Variants in MYO16 observed in about 807,000 individuals in gnomAD.
MYO16 encodes the protein myosin XVI.
In MYO16, 94 loss-of-function variants were observed where a neutral mutation model predicts 205.3. The ratio of observed to expected loss-of-function variants is 0.46; its 90% CI spans 0.39 to 0.54. MYO16 has a LOEUF of 0.54. Ranked by LOEUF, MYO16 falls within the 20% of genes least tolerant of loss-of-function variation. MYO16 has a pLI of 0.00. For synonymous variants in MYO16, 988 were observed against 954.0 expected, an observed-to-expected ratio of 1.04 and a Z score of -0.66; for missense variants, 2,315 against 2,387.5, an observed-to-expected ratio of 0.97 and a Z score of 0.63.
the MYO16 span, among the ~76,000 whole-genome samples, chr13:108,528,581 C>T: frequency 3.1e-5 from 3 of 97,874 alleles, no homozygotes; most frequent in Non-Finnish European, 6.2e-5. Flanking sequence ...CCCCTCCCCT[C>T]CCCTTTCCCC....
Position 108,964,839 on chromosome 13 carries a change from G to A in MYO16, c.2306G>A (p.Arg769His), listed in dbSNP as rs1461732311. 2.5e-6 allele frequency: 4 copies of A among 1,613,884 alleles called. No homozygotes were observed. The highest frequency in any genetic ancestry group is 3.4e-6 in the Non-Finnish European group (4 of 1,179,984). Residue 769 changes from arginine to histidine, a missense_variant, in exon 20 of 35, where the codon CGT becomes CAT. Around this residue, in one of 3 missense-constraint regions of MYO16, gnomAD observed 1,213 missense variants for 1,274.4 expected, o/e 0.95. Transcript: ENST00000457511. ...CTCTTGGCCAAGTCCCTGTACAGTC[G>A]TTTGTTTAGCTTTTTGGTGAATACC... ...RDLLAKSLYS[R>H]LFSFLVNTMN...
chr13:108,626,131 A>T (rs1858152155), upstream of MYO16, among the ~76,000 whole-genome samples: 2 of 152,108 alleles, frequency 1.3e-5, no homozygotes, highest in African/African-American at 4.8e-5. Context: ...ATTTGAAAAA[A>T]TCTGGTGTAT....
intron 21 of MYO16, 57 bp downstream of exon 21, chr13:108,992,505 C>CT (rs1566449770): frequency 2.7e-6 from 3 of 1,106,972 alleles, no homozygotes; most frequent in East Asian, 2.4e-5. Context: ...AAACTAAGTT[C>CT]TTTTTTTAAT....
At chr13:108,773,562 C>G (rs1886034880) in intron 4 of MYO16, among the ~76,000 whole-genome samples, 1 of 152,098 alleles carries the variant, frequency 6.6e-6, no homozygotes, top group South Asian at 2.1e-4. Flanking sequence ...TGTCCATTTT[C>G]AAATTTCTCT....
intron 27 of MYO16, among the ~76,000 whole-genome samples, chr13:109,067,715 A>C (rs1016427057): frequency 2.9e-4 from 44 of 152,104 alleles, no homozygotes; most frequent in African/African-American, 1.0e-3. Context: ...AACCCAGTTA[A>C]TTTTGTAGAG....
Position 108,776,744 on chromosome 13 carries a change from T to C in MYO16, c.508-8891T>C, listed in dbSNP as rs529701999. On this transcript the variant is annotated intron_variant, in intron 4 of 34. Coordinates refer to ENST00000457511, the MANE Select transcript of MYO16 (RefSeq NM_001198950.3). ...CAGAGCTATCCTTGCACCAGTAATA[T>C]ATTATCAAGATTTTTTATACTTTAC... Among the ~76,000 whole-genome samples, 8 of 152,322 alleles carry C rather than the reference T, an allele frequency of 5.3e-5. No homozygotes were observed. In the South Asian group the frequency reaches 6.2e-4, roughly 12 times the overall value.
intron 27 of MYO16, among the ~76,000 whole-genome samples, chr13:109,089,729 A>G (rs1375913449): frequency 1.3e-5 from 2 of 152,208 alleles, no homozygotes; most frequent in Non-Finnish European, 2.9e-5. Context: ...TTAAAATGTC[A>G]TTCTGGAGTT....
intron 32 of MYO16, among the ~76,000 whole-genome samples, chr13:109,160,344 A>G (rs1464678154): frequency 6.6e-6 from 1 of 152,216 alleles, no homozygotes; most frequent in Non-Finnish European, 1.5e-5. Context: ...TTCACCTTAA[A>G]TGTACCTACA....
the MYO16 span, among the ~76,000 whole-genome samples, chr13:108,500,959 G>T: frequency 6.6e-6 from 1 of 152,102 alleles, no homozygotes; most frequent in Non-Finnish European, 1.5e-5. Flanking sequence ...ACACCGAGGT[G>T]CTTGTTCTCT....
chr13:108,595,687 TC>T (rs977959843), upstream of MYO16, among the ~76,000 whole-genome samples: 1 of 152,056 alleles, frequency 6.6e-6, no homozygotes, highest in African/African-American at 2.4e-5. Context: ...CTCTGATCCT[TC>T]CAATAAATAA....
intron 1 of MYO16, among the ~76,000 whole-genome samples, chr13:108,633,834 A>T (rs376449346): frequency 6.6e-6 from 1 of 152,118 alleles, no homozygotes. Context: ...TCATTCAAGA[A>T]CTTTCACTGC....
chr13:108,991,998 G>C (rs1884850231), intron 20 of MYO16, among the ~76,000 whole-genome samples: 1 of 152,158 alleles, frequency 6.6e-6, no homozygotes, highest in Non-Finnish European at 1.5e-5. Flanking sequence ...CATCATGGGA[G>C]TTTGTTGTAC....
At chr13:108,702,332 C>T (rs1017431430) in intron 2 of MYO16, among the ~76,000 whole-genome samples, 9 of 152,112 alleles carry the variant, frequency 5.9e-5, no homozygotes, top group African/African-American at 2.2e-4. Context: ...ACAAGGGTTC[C>T]TCCAGAAGAT....
intron 27 of MYO16, among the ~76,000 whole-genome samples, chr13:109,090,821 G>A (rs1201563305): frequency 6.6e-6 from 1 of 152,178 alleles, no homozygotes; most frequent in African/African-American, 2.4e-5. Context: ...TCCCTCCTTA[G>A]GGGAAAAGCA....
At chr13:108,653,488 T>C (rs987501083) in intron 1 of MYO16, among the ~76,000 whole-genome samples, 4 of 152,120 alleles carry the variant, frequency 2.6e-5, no homozygotes, top group Non-Finnish European at 2.9e-5. Context: ...GTCATAAAGA[T>C]TTTTTCCCTG....
intron 22 of MYO16, among the ~76,000 whole-genome samples, chr13:109,018,636 A>T (rs550041723): frequency 6.6e-6 from 1 of 152,156 alleles, no homozygotes; most frequent in Non-Finnish European, 1.5e-5. Context: ...GAAGCATGGG[A>T]TATAATCTCC....
chr13:108,780,482 GA>G (rs1886266509), intron 4 of MYO16, among the ~76,000 whole-genome samples: 1 of 152,094 alleles, frequency 6.6e-6, no homozygotes, highest in Non-Finnish European at 1.5e-5. Flanking sequence ...GGAAGGAAGG[GA>G]GGGAGAGAAG....
upstream of MYO16, among the ~76,000 whole-genome samples, chr13:108,627,449 T>G (rs1879786886): frequency 6.6e-6 from 1 of 152,196 alleles, no homozygotes; most frequent in Admixed American, 6.5e-5. Flanking sequence ...GTCTTACAGT[T>G]TCTAGCACAC....
intron 32 of MYO16, among the ~76,000 whole-genome samples, chr13:109,164,447 C>T (rs889588220): frequency 6.6e-6 from 1 of 152,164 alleles, no homozygotes; most frequent in Admixed American, 6.5e-5. Flanking sequence ...AGTATTCCAA[C>T]ATGGACACTA....
Sources: gnomAD v4.1 joint callset for allele counts (sites outside exome capture counted in the v4.1 genomes callset) on GRCh38, gnomAD v4.1.1 for gene constraint, gnomAD v4.1.1 regional missense constraint, MANE v1.5 for transcripts, NCBI Gene and HGNC (gene_info 2026-07-23, HGNC 2026-07-21) for gene names.